The following UBAP1 variants were observed in gnomAD, a reference collection of about 807,000 sequenced individuals.
UBAP1 encodes the protein ubiquitin associated protein 1.
Under a neutral mutation model 39.0 loss-of-function variants are expected in UBAP1, and 5 were observed. That is an observed-to-expected ratio of 0.13 (90% CI 0.07 to 0.27). The LOEUF is 0.27. Among genes scored for constraint, UBAP1 ranks in the 10% least tolerant of loss-of-function variants. The pLI is 1.00. For synonymous variants in UBAP1, 211 were observed against 225.1 expected, an observed-to-expected ratio of 0.94 and a Z score of 0.56; for missense variants, 490 against 608.1, an observed-to-expected ratio of 0.81 and a Z score of 2.04.
intron 1 of UBAP1, among the ~76,000 whole-genome samples, chr9:34,204,610 T>C (rs1831584193): frequency 6.6e-6 from 1 of 152,182 alleles, no homozygotes; most frequent in African/African-American, 2.4e-5. Context: ...TCTAGTCCTT[T>C]AATTCTGGAA....
intron 2 of UBAP1, among the ~76,000 whole-genome samples, chr9:34,227,506 C>G (rs1182333549): frequency 6.6e-6 from 1 of 152,136 alleles, no homozygotes; most frequent in Non-Finnish European, 1.5e-5. Context: ...GATTTCTCCC[C>G]CCACCTGGAA....
chr9:34,249,280 TCA>T (rs1272485884), intron 4 of UBAP1, among the ~76,000 whole-genome samples: 1 of 152,168 alleles, frequency 6.6e-6, no homozygotes, highest in African/African-American at 2.4e-5. Flanking sequence ...GGAACCACAC[TCA>T]CAGCCTCTGC....
chr9:34,251,747 G>A lies in UBAP1; in HGVS notation c.*215G>A. On this transcript the variant is annotated 3_prime_UTR_variant, in exon 7 of 7. Transcript: ENST00000297661. ...TGTGAGTGCCCCCAGAACTGTCCTG[G>A]CTCCTTCCGTATTAAACGCATTTGC... is the stretch of plus-strand genomic sequence containing the variant. The A allele has an allele frequency of 1.8e-6, 1 of 555,080 alleles. No homozygotes were observed. Among genetic ancestry groups the A allele is most frequent in the East Asian group, 2.9e-5 (1 of 35,070 alleles). The allele number at this position is 555,080 out of a possible 1,614,324, so 34.4% of individuals were successfully genotyped here.
chr9:34,216,400 C>G (rs1832318460), intron 1 of UBAP1, among the ~76,000 whole-genome samples: 2 of 152,196 alleles, frequency 1.3e-5, no homozygotes, highest in Admixed American at 6.5e-5. Flanking sequence ...AACCGCCAGT[C>G]TGCTTTCAGT....
chr9:34,195,037 T>C (rs1180020246), intron 1 of UBAP1, among the ~76,000 whole-genome samples: 8 of 152,214 alleles, frequency 5.3e-5, no homozygotes, highest in Admixed American at 5.2e-4. Flanking sequence ...CATCCCTGTG[T>C]ATTGTTTTTA....
chr9:34,241,060 C>G, intron 3 of UBAP1, 125 bp from the exon 4 acceptor site: 1 of 621,050 alleles, frequency 1.6e-6, no homozygotes. Flanking sequence ...GATCATCCCA[C>G]ACGCCTTAAA....
At chr9:34,225,798 AAAG>A (rs1833017787) in intron 2 of UBAP1, among the ~76,000 whole-genome samples, 1 of 151,530 alleles carries the variant, frequency 6.6e-6, no homozygotes, top group African/African-American at 2.4e-5. Context: ...AAAAAAAAGA[AAAG>A]AAAAAAGAAA....
chr9:34,183,169 A>G (rs571332160), intron 1 of UBAP1, among the ~76,000 whole-genome samples: 1 of 152,310 alleles, frequency 6.6e-6, no homozygotes, highest in Admixed American at 6.5e-5. Flanking sequence ...TTCATTAAAA[A>G]TATTTATTCA....
chr9:34,235,105 T>A (rs1833619790), intron 3 of UBAP1, among the ~76,000 whole-genome samples: 1 of 151,808 alleles, frequency 6.6e-6, no homozygotes, highest in Non-Finnish European at 1.5e-5. Flanking sequence ...AAATAAAAAA[T>A]TTAAAGATCA....
intron 1 of UBAP1, among the ~76,000 whole-genome samples, chr9:34,217,783 CTT>C (rs750494361): frequency 7.1e-3 from 292 of 41,158 alleles, no homozygotes; most frequent in African/African-American, 0.029. Flanking sequence ...GGATTTCGTT[CTT>C]TTTTTTTTTT....
At chr9:34,214,995 C>T (rs1587833418) in intron 1 of UBAP1, among the ~76,000 whole-genome samples, 1 of 152,126 alleles carries the variant, frequency 6.6e-6, no homozygotes, top group East Asian at 1.9e-4. Context: ...GGCGTGGATG[C>T]AGTGATCAGG....
rs1202945856 is a variant in UBAP1, at chr9:34,224,420, G to A, written c.34+3472G>A. ...ATGATCCTTGTTTTGCAAATACAACGCTGAGCCCCAGGAGAAATTCCCTAC... is the reference window on the plus strand; with the variant it reads ...ATGATCCTTGTTTTGCAAATACAACACTGAGCCCCAGGAGAAATTCCCTAC... On this transcript the variant is annotated intron_variant, in intron 2 of 6. Coordinates refer to ENST00000297661, the MANE Select transcript of UBAP1 (RefSeq NM_016525.5). The A allele has an allele frequency of 1.7e-5, 7 of 403,374 alleles. No homozygotes were observed. The South Asian group carries it at 1.8e-4, about 11-fold the overall frequency. 25.0% of individuals were successfully genotyped at this position (403,374 alleles called of 1,614,324 possible). A position where few individuals can be genotyped will look rare whatever the true frequency, so the allele number is the denominator to read the frequency against.
intron 6 of UBAP1, 34 bp downstream of exon 6, chr9:34,250,793 G>A (rs1834454805): frequency 1.3e-6 from 2 of 1,565,976 alleles, no homozygotes; most frequent in Non-Finnish European, 1.8e-6. Context: ...GAACCCTCTG[G>A]AAAAGGAGGG....
chr9:34,212,428 T>C (rs966384606), intron 1 of UBAP1, among the ~76,000 whole-genome samples: 1 of 60,172 alleles, frequency 1.7e-5, no homozygotes, highest in Non-Finnish European at 4.7e-5. Context: ...CACACACACT[T>C]ATAGTTATTT....
chr9:34,225,908 C>T (rs539033639), intron 2 of UBAP1, among the ~76,000 whole-genome samples: 6 of 151,890 alleles, frequency 4.0e-5, no homozygotes, highest in East Asian at 1.9e-4. Flanking sequence ...AAATAGACCC[C>T]GTGATAAGAT....
chr9:34,246,799 T>C (rs1834199539), intron 4 of UBAP1, among the ~76,000 whole-genome samples: 1 of 152,232 alleles, frequency 6.6e-6, no homozygotes, highest in Non-Finnish European at 1.5e-5. Context: ...GCTGAGACTC[T>C]TCAGAAGCTT....
At chr9:34,202,048 TCCACGAA>T (rs1831402981) in intron 1 of UBAP1, among the ~76,000 whole-genome samples, 1 of 152,160 alleles carries the variant, frequency 6.6e-6, no homozygotes, top group Admixed American at 6.5e-5. Context: ...GGTGTCACCA[TCCACGAA>T]CCTCCGTCCA....
rs778588610 is a variant in UBAP1 at position 34,241,677 on chromosome 9, T to C, written c.652T>C (p.Leu218=). 3.1e-6 allele frequency: 5 copies of C among 1,613,912 alleles called. No individual in the cohort carries two copies. In the African/African-American group the frequency reaches 6.7e-5, roughly 22 times the overall value. The change falls in exon 4 of 7, where the codon TTG becomes CTG. Residue 218 remains leucine, a synonymous_variant. Transcript: ENST00000297661. Reference sequence around the variant, plus strand: ...ACAGGATGAGGAGGTCCTGGCATCCTTGGAACGGGCAACCCTAGATTTCAA... The same window carrying C: ...ACAGGATGAGGAGGTCCTGGCATCCCTGGAACGGGCAACCCTAGATTTCAA... ...VLQDEEVLAS[L]ERATLDFKPL...
chr9:34,237,551 CT>C (rs748223095), intron 3 of UBAP1, among the ~76,000 whole-genome samples: 2 of 151,862 alleles, frequency 1.3e-5, no homozygotes, highest in East Asian at 1.9e-4. Context: ...TGAAATTTAC[CT>C]TTTTTTAAAA....
Sources: allele counts gnomAD v4.1 joint callset (sites outside exome capture counted in the v4.1 genomes callset), GRCh38; gene constraint gnomAD v4.1.1; transcripts MANE v1.5; gene names NCBI Gene and HGNC (gene_info 2026-07-23, HGNC 2026-07-21).